Variants in GLB1L2 observed in about 807,000 individuals in gnomAD.
The protein encoded by GLB1L2 is galactosidase beta 1 like 2.
A neutral mutation model predicts 84.1 loss-of-function variants in GLB1L2; 68 were observed. The observed-to-expected ratio is 0.81, with a 90% CI of 0.67 to 0.99. The LOEUF is 0.99. Ranked by LOEUF, GLB1L2 falls within the 50% of genes least tolerant of loss-of-function variation. The probability of loss-of-function intolerance (pLI) is 0.00; values close to 1 mark genes in which losing one functional copy is unlikely to be tolerated. For missense variants in GLB1L2, 762 were observed against 805.6 expected (o/e 0.95, Z 0.66); for synonymous variants, 290 against 318.0 (o/e 0.91, Z 0.94).
chr11:134,342,794 C>G lies in GLB1L2; in HGVS notation c.127C>G (p.Arg43Gly). 1.2e-6 allele frequency: 2 copies of G among 1,614,022 alleles called. No homozygotes were observed. The highest frequency in any genetic ancestry group is 3.3e-5 in the Admixed American group (2 of 60,034). ...STLVPLRLRH[R>G]QLGLQAKGWN... ...CCTGGTCCCTCTGCGGCTCCGCCAT[C>G]GACAGCTGGGGCTGCAGGCCAAGGG... Residue 43 changes from arginine to glycine, a missense_variant, in exon 2 of 19, where the codon CGA becomes GGA. Around this residue, in one of 3 missense-constraint regions of GLB1L2, gnomAD observed 100 missense variants for 88.8 expected, o/e 1.13. Transcript: ENST00000535456.
chr11:134,372,127 T>C (rs1037622321), intron 15 of GLB1L2, among the ~76,000 whole-genome samples: 8 of 152,174 alleles, frequency 5.3e-5, no homozygotes, highest in Non-Finnish European at 7.4e-5. Flanking sequence ...GGATGTCTGC[T>C]TGGGGGGGCG....
At chr11:134,344,128 G>A (rs1943510079) in intron 2 of GLB1L2, among the ~76,000 whole-genome samples, 2 of 152,218 alleles carry the variant, frequency 1.3e-5, no homozygotes, top group Non-Finnish European at 2.9e-5. Context: ...GGCATGGTAA[G>A]CTAACTGGGG....
chr11:134,348,165 A>T (rs1412585841), intron 5 of GLB1L2, among the ~76,000 whole-genome samples: 5 of 152,226 alleles, frequency 3.3e-5, no homozygotes, highest in Admixed American at 1.3e-4. Context: ...CCACACACAT[A>T]AATCAAAGGG....
At chr11:134,372,848 C>G (rs1235188362) in intron 15 of GLB1L2, among the ~76,000 whole-genome samples, 1 of 152,106 alleles carries the variant, frequency 6.6e-6, no homozygotes. Flanking sequence ...TAGCACCACC[C>G]AGGCCCACAC....
Position 134,370,927 on chromosome 11 carries a change from A to T in GLB1L2, c.1216-81A>T. 1 of 1,526,978 alleles carries T rather than the reference A, an allele frequency of 6.5e-7. No homozygotes were observed. 94.6% of individuals were successfully genotyped at this position (1,526,978 alleles called of 1,614,324 possible). On this transcript the variant is annotated intron_variant, in intron 12 of 18. Coordinates refer to ENST00000535456, the MANE Select transcript of GLB1L2 (RefSeq NM_001370461.1). The surrounding 1 kb of genome is among the most constrained non-coding windows in gnomAD (Gnocchi z 4.7). Reference sequence around the variant, plus strand: ...CCCACCAAACCTCCGCTTCCACCCCATGTGCCAGCCCCCAGGCAGAGTCTG... The same window carrying T: ...CCCACCAAACCTCCGCTTCCACCCCTTGTGCCAGCCCCCAGGCAGAGTCTG...
intron 5 of GLB1L2, among the ~76,000 whole-genome samples, chr11:134,352,945 G>A (rs755815267): frequency 9.9e-5 from 15 of 152,110 alleles, no homozygotes; most frequent in Middle Eastern, 3.2e-3. Context: ...ACTGCGCCTG[G>A]CCTCAATATA....
chr11:134,374,715 C>T lies in GLB1L2; in HGVS notation c.1821C>T (p.Asn607=). 6.2e-7 allele frequency: 1 copy of T among 1,610,608 alleles called. No homozygotes were observed. Among genetic ancestry groups the T allele is most frequent in the Non-Finnish European group, 8.5e-7 (1 of 1,176,952 alleles). Residue 607 remains asparagine (N), a synonymous_variant, in exon 18 of 19, where the codon AAC becomes AAT. Transcript: ENST00000535456. Reference sequence around the variant, plus strand: ...GTCCCTGGTTGAGCAGCGGAATCAACCAGGTGGGAGCTTCCAGCCCCTTCC... The same window carrying T: ...GTCCCTGGTTGAGCAGCGGAATCAATCAGGTGGGAGCTTCCAGCCCCTTCC... ...LPGPWLSSGI[N]QVIVFEETMA...
chr11:134,374,349 G>C (rs1238471128), intron 17 of GLB1L2, 93 bp downstream of exon 17: 6 of 1,075,134 alleles, frequency 5.6e-6, no homozygotes, highest in Non-Finnish European at 8.6e-6. Flanking sequence ...GAGAGTCGTT[G>C]GTGGCTTCTG....
At chr11:134,355,386 T>C (rs1357919488) in intron 5 of GLB1L2, among the ~76,000 whole-genome samples, 1 of 152,224 alleles carries the variant, frequency 6.6e-6, no homozygotes, top group Non-Finnish European at 1.5e-5. Flanking sequence ...CTGTTTCTTT[T>C]TATGTTTGTG....
In GLB1L2 at chr11:134,371,407, G is replaced by A. The variant is rs377511271; in HGVS notation, c.1357-14G>A. On this transcript the variant is annotated splice_polypyrimidine_tract_variant and intron_variant, in intron 13 of 18. Coordinates refer to ENST00000535456, the MANE Select transcript of GLB1L2 (RefSeq NM_001370461.1). ...CTGTTGGTCATGGATGTTCCTGCCT[G>A]TTCCCTTTGGCAGGTGTTTGTGAAC... The A allele has an allele frequency of 2.4e-5, 36 of 1,528,472 alleles. No homozygotes were observed. The African/African-American group carries it at 4.5e-4, about 19-fold the overall frequency. The allele number at this position is 1,528,472 out of a possible 1,614,324, so 94.7% of individuals were successfully genotyped here. A position where few individuals can be genotyped will look rare whatever the true frequency, so the allele number is the denominator to read the frequency against.
intron 5 of GLB1L2, among the ~76,000 whole-genome samples, chr11:134,353,443 T>C (rs1943662440): frequency 1.3e-5 from 2 of 152,136 alleles, no homozygotes; most frequent in South Asian, 4.1e-4. Flanking sequence ...AAGGCTTGTT[T>C]TTTTGGCTTA....
At chr11:134,333,888 G>C (rs973527618) in intron 1 of GLB1L2, among the ~76,000 whole-genome samples, 1 of 152,202 alleles carries the variant, frequency 6.6e-6, no homozygotes, top group African/African-American at 2.4e-5. Flanking sequence ...CTTCTAGCAG[G>C]TAGAACAGAA....
chr11:134,337,782 T>C (rs1008683909), intron 1 of GLB1L2, among the ~76,000 whole-genome samples: 4 of 152,032 alleles, frequency 2.6e-5, no homozygotes, highest in Non-Finnish European at 5.9e-5. Flanking sequence ...GCATGGCCAC[T>C]TGGAGGAGGG....
intron 1 of GLB1L2, among the ~76,000 whole-genome samples, chr11:134,336,241 T>G (rs1267515250): frequency 6.6e-6 from 1 of 152,190 alleles, no homozygotes; most frequent in Non-Finnish European, 1.5e-5. Context: ...CTTAAGAAGT[T>G]ATTTTGTGAG....
intron 14 of GLB1L2, 87 bp downstream of exon 14, chr11:134,371,579 C>A: frequency 9.8e-7 from 1 of 1,025,366 alleles, no homozygotes; most frequent in Non-Finnish European, 1.5e-6. Flanking sequence ...ACCTGGGAGA[C>A]CCGTGGCTCC....
intron 14 of GLB1L2, 70 bp downstream of exon 14, chr11:134,371,562 GA>G: frequency 1.8e-6 from 2 of 1,104,190 alleles, no homozygotes; most frequent in South Asian, 1.3e-5. Context: ...GGCAGTCACT[GA>G]GGAAAACCTG....
intron 1 of GLB1L2, among the ~76,000 whole-genome samples, chr11:134,337,769 C>G (rs186690228): frequency 1.6e-4 from 25 of 152,292 alleles, no homozygotes; most frequent in Middle Eastern, 3.4e-3. Flanking sequence ...ATGGTGGCCT[C>G]TGGCATGGCC....
At chr11:134,373,997 G>A in intron 16 of GLB1L2, 148 bp from the exon 17 acceptor site, 1 of 729,940 alleles carries the variant, frequency 1.4e-6, no homozygotes, top group Non-Finnish European at 2.4e-6. Flanking sequence ...GGAATTCCCA[G>A]CATCCTACCG....
At chr11:134,348,576 A>G (rs977083938) in intron 5 of GLB1L2, among the ~76,000 whole-genome samples, 2 of 152,200 alleles carry the variant, frequency 1.3e-5, no homozygotes, top group Non-Finnish European at 2.9e-5. Context: ...TCACATAGTT[A>G]TTTAATTTTT....
Sources: allele counts gnomAD v4.1 joint callset (sites outside exome capture counted in the v4.1 genomes callset), GRCh38; gene constraint gnomAD v4.1.1; regional missense constraint gnomAD v4.1.1; non-coding constraint Gnocchi (gnomAD v3.1); transcripts MANE v1.5; gene names NCBI Gene and HGNC (gene_info 2026-07-23, HGNC 2026-07-21).